The following MED13 variants were observed in gnomAD, a reference collection of about 807,000 sequenced individuals.
The protein encoded by MED13 is mediator of RNA polymerase II transcription subunit 13.
A neutral mutation model predicts 225.2 loss-of-function variants in MED13; 23 were observed. The observed-to-expected ratio is 0.10, with a 90% CI of 0.07 to 0.14. MED13 has a LOEUF of 0.14. Among genes scored for constraint, MED13 ranks in the 10% least tolerant of loss-of-function variants. The pLI, the probability that MED13 is intolerant of heterozygous loss-of-function variation, is 1.00. For missense variants in MED13, 2,197 were observed against 2,594.5 expected (o/e 0.85, Z 3.33); for synonymous variants, 942 against 889.2 (o/e 1.06, Z -1.06).
At position 61,945,093 on chromosome 17, in the gene MED13, T is replaced by C. The variant is rs1315457902; in HGVS notation, c.*1375A>G. The C allele has an allele frequency of 1.3e-5, 2 of 152,396 alleles. No homozygotes were observed. The highest frequency in any genetic ancestry group is 3.9e-4 in the East Asian group (2 of 5,194). The allele number at this position is 152,396 out of a possible 1,614,324, so 9.4% of individuals were successfully genotyped here. A position where few individuals can be genotyped will look rare whatever the true frequency, so the allele number is the denominator to read the frequency against. On this transcript the variant is annotated 3_prime_UTR_variant, in exon 30 of 30. Transcript: ENST00000397786. Reference sequence around the variant, plus strand: ...CAGACTCTGGTGTTTGGGACTGACATCTCCAAACCAAGAAAATTAAATAAA... The same window carrying C: ...CAGACTCTGGTGTTTGGGACTGACACCTCCAAACCAAGAAAATTAAATAAA...
At chr17:61,977,688 TC>T (rs1477298676) in intron 16 of MED13, among the ~76,000 whole-genome samples, 2 of 152,222 alleles carry the variant, frequency 1.3e-5, no homozygotes, top group Non-Finnish European at 2.9e-5. Context: ...GACCTTGTGA[TC>T]CACTTGCCTC....
At chr17:61,977,381 A>G (rs1337020768) in intron 16 of MED13, among the ~76,000 whole-genome samples, 1 of 152,224 alleles carries the variant, frequency 6.6e-6, no homozygotes, top group East Asian at 1.9e-4. Flanking sequence ...CTAATGCAGG[A>G]GCTTGCCACC....
chr17:62,040,822 A>C (rs1325507689), intron 3 of MED13, among the ~76,000 whole-genome samples: 2 of 152,224 alleles, frequency 1.3e-5, no homozygotes, highest in Non-Finnish European at 1.5e-5. Flanking sequence ...TGCAAACCAA[A>C]AACACAGTAA....
chr17:62,000,829 C>T (rs2080388409), intron 9 of MED13, among the ~76,000 whole-genome samples: 1 of 152,134 alleles, frequency 6.6e-6, no homozygotes. Context: ...GTGGCGTGGT[C>T]TTGGCTCACT....
At chr17:61,971,645 A>G (rs1425692528) in intron 17 of MED13, among the ~76,000 whole-genome samples, 1 of 152,098 alleles carries the variant, frequency 6.6e-6, no homozygotes, top group Non-Finnish European at 1.5e-5. Context: ...ACTAAAATAT[A>G]TTTTCTGGCC....
chr17:61,988,111 G>A (rs2080264089), intron 11 of MED13, among the ~76,000 whole-genome samples: 1 of 152,094 alleles, frequency 6.6e-6, no homozygotes, highest in South Asian at 2.1e-4. Flanking sequence ...TCTTGGGCCA[G>A]ACAGACTTTA....
At chr17:61,981,499 T>A (rs2080204294) in intron 16 of MED13, among the ~76,000 whole-genome samples, 1 of 151,192 alleles carries the variant, frequency 6.6e-6, no homozygotes, top group South Asian at 2.1e-4. Context: ...AGTCTCCCTA[T>A]CACACAAAGC....
chr17:61,963,955 C>T (rs1332651598), intron 20 of MED13, among the ~76,000 whole-genome samples: 1 of 152,166 alleles, frequency 6.6e-6, no homozygotes, highest in African/African-American at 2.4e-5. Flanking sequence ...TATATTATAT[C>T]ATATTACTCT....
intron 3 of MED13, among the ~76,000 whole-genome samples, chr17:62,045,861 T>C (rs1359543915): frequency 6.6e-6 from 1 of 152,246 alleles, no homozygotes; most frequent in Non-Finnish European, 1.5e-5. Flanking sequence ...TGATTCTATT[T>C]CCTCTCTTTC....
chr17:62,063,651 A>G (rs2081059172), intron 1 of MED13, among the ~76,000 whole-genome samples: 1 of 152,206 alleles, frequency 6.6e-6, no homozygotes, highest in South Asian at 2.1e-4. Flanking sequence ...CTGGTGTCAA[A>G]CTTTTAACTG....
rs1179038974 is a variant in MED13 at position 62,054,045 on chromosome 17, G to C, written c.302-1340C>G. ...CTTTAGGCTGGGCGCAGTTACTCAC[G>C]CCTGTAATCCTAGCACTTTGGGAGG... is the stretch of plus-strand genomic sequence containing the variant. On this transcript the variant is annotated intron_variant, in intron 2 of 29. Transcript: ENST00000397786. Among the ~76,000 whole-genome samples, 8 of 151,896 alleles carry C rather than the reference G, an allele frequency of 5.3e-5. No homozygotes were observed. The East Asian group carries it at 1.3e-3, about 26-fold the overall frequency.
At chr17:61,998,874 C>T in intron 9 of MED13, among the ~76,000 whole-genome samples, 1 of 149,554 alleles carries the variant, frequency 6.7e-6, no homozygotes, top group Non-Finnish European at 1.5e-5. Context: ...GCTGGGATTA[C>T]AGGTGTGAGC....
intron 3 of MED13, 148 bp from the exon 4 acceptor site, chr17:62,035,756 A>G: frequency 1.5e-6 from 1 of 677,628 alleles, no homozygotes; most frequent in Non-Finnish European, 2.4e-6. Flanking sequence ...CATGGATATG[A>G]GCAAAGACTT....
At chr17:62,003,599 C>CAAAAAAAAAAAAAAAAAAAAAAA (rs34451831) in intron 9 of MED13, 28 of 51,730 alleles carry the variant, frequency 5.4e-4, no homozygotes, top group East Asian at 8.4e-4. Flanking sequence ...CAGCAAAACT[C>CAAAAAAAAAAAAAAAAAAAAAAA]AAAAAAAAAA....
In MED13 at chr17:61,987,918, T is replaced by C. The variant is rs74951092; in HGVS notation, c.2264-790A>G. ...ACCCTATGCCCAGTTAATTTTTTTT[T>C]TTTTCCTCGAGTTGGGGTTTTGCCA... is the stretch of plus-strand genomic sequence containing the variant. On this transcript the variant is annotated intron_variant, in intron 11 of 29. Transcript: ENST00000397786. Among the ~76,000 whole-genome samples, 319 of 152,016 alleles carry C rather than the reference T, an allele frequency of 2.1e-3. 9 individuals are homozygous for C. In the East Asian group the frequency reaches 0.054, roughly 26 times the overall value.
intron 9 of MED13, among the ~76,000 whole-genome samples, chr17:62,009,275 CA>C (rs1183655388): frequency 3.3e-5 from 5 of 151,970 alleles, no homozygotes; most frequent in Admixed American, 1.3e-4. Context: ...TTCTTCTGCC[CA>C]AAGTATAACA....
intron 8 of MED13, among the ~76,000 whole-genome samples, chr17:62,016,404 C>A (rs1478884637): frequency 6.6e-6 from 1 of 152,102 alleles, no homozygotes; most frequent in Non-Finnish European, 1.5e-5. Flanking sequence ...ATGCATCCCC[C>A]TCATCAAATA....
In MED13 at chr17:62,030,080, T is replaced by C. The variant is rs570102964; in HGVS notation, c.1010-67A>G. On this transcript the variant is annotated intron_variant, in intron 6 of 29. Transcript: ENST00000397786. ...TAGGTTTAAAGTAACATTATTTGGG[T>C]TTTTTATTAATTTGTGATACAAGCT... The C allele has an allele frequency of 6.1e-6, 8 of 1,320,136 alleles. No homozygotes were observed. The African/African-American group carries it at 1.1e-4, about 17-fold the overall frequency. 81.8% of individuals were successfully genotyped at this position (1,320,136 alleles called of 1,614,324 possible).
At chr17:62,055,236 A>C (rs531840503) in intron 2 of MED13, among the ~76,000 whole-genome samples, 105 of 151,876 alleles carry the variant, frequency 6.9e-4, no homozygotes, top group Non-Finnish European at 1.4e-3. Context: ...TTCTACTAAA[A>C]ATATAAAAAT....
Sources: gnomAD v4.1 joint callset for allele counts (sites outside exome capture counted in the v4.1 genomes callset) on GRCh38, gnomAD v4.1.1 for gene constraint, MANE v1.5 for transcripts, NCBI Gene and HGNC (gene_info 2026-07-23, HGNC 2026-07-21) for gene names.